The following TMEM132D variants were observed in gnomAD, a reference collection of about 807,000 sequenced individuals.
The protein encoded by TMEM132D is transmembrane protein 132D.
Under a neutral mutation model 62.3 loss-of-function variants are expected in TMEM132D, and 21 were observed. The ratio of observed to expected loss-of-function variants is 0.34; its 90% CI spans 0.24 to 0.49. The LOEUF is 0.49. TMEM132D is among the 20% of genes least tolerant of loss of function. The pLI is 0.99. For synonymous variants in TMEM132D, 621 were observed against 575.6 expected, an observed-to-expected ratio of 1.08 and a Z score of -1.13; for missense variants, 1,346 against 1,402.8, an observed-to-expected ratio of 0.96 and a Z score of 0.65.
At chr12:129,621,452 G>A (rs868286679) in intron 2 of TMEM132D, among the ~76,000 whole-genome samples, 64 of 152,178 alleles carry the variant, frequency 4.2e-4, no homozygotes, top group African/African-American at 1.4e-3. Context: ...CCACTAGAAC[G>A]TACACTTGAG....
intron 1 of TMEM132D, among the ~76,000 whole-genome samples, chr12:129,786,306 C>T (rs909262575): frequency 3.3e-5 from 5 of 152,258 alleles, no homozygotes; most frequent in East Asian, 1.9e-4. Flanking sequence ...TAGGCTCCAA[C>T]GAGACCCTGT....
chr12:129,155,471 A>C (rs187432787), intron 5 of TMEM132D, among the ~76,000 whole-genome samples: 1 of 152,340 alleles, frequency 6.6e-6, no homozygotes, highest in Non-Finnish European at 1.5e-5. Context: ...ATTTTCAGAG[A>C]GTCATTATCA....
rs182193690 is a variant in TMEM132D at position 129,569,508 on chromosome 12, T to A, written c.969-38303A>T. Among the ~76,000 whole-genome samples the A allele has an allele frequency of 4.6e-5, 7 of 152,260 alleles. No individual in the cohort carries two copies. In the East Asian group the frequency reaches 1.4e-3, roughly 29 times the overall value. On this transcript the variant is annotated intron_variant, in intron 2 of 8. Transcript: ENST00000422113. Reference sequence around the variant, plus strand: ...ATCACATGCTAGACTCAGTATGAAGTACATGGTATAGAGAGGCAAAGGCAA... The same window carrying A: ...ATCACATGCTAGACTCAGTATGAAGAACATGGTATAGAGAGGCAAAGGCAA...
chr12:129,161,323 A>C lies in TMEM132D; in HGVS notation c.1443+48197T>G, dbSNP rs368969266. Among the ~76,000 whole-genome samples, 40 of 152,364 alleles carry C rather than the reference A, an allele frequency of 2.6e-4. No individual in the cohort carries two copies. In the East Asian group the frequency reaches 7.5e-3, roughly 29 times the overall value. On this transcript the variant is annotated intron_variant, in intron 5 of 8. Transcript: ENST00000422113. ...AATTCTGAAAACAAAATACCTGAGCAGAAGTATTTAACTGAACATCTCAGA... is the reference window on the plus strand; with the variant it reads ...AATTCTGAAAACAAAATACCTGAGCCGAAGTATTTAACTGAACATCTCAGA...
At chr12:129,518,374 T>C (rs1875743321) in intron 3 of TMEM132D, among the ~76,000 whole-genome samples, 1 of 152,124 alleles carries the variant, frequency 6.6e-6, no homozygotes, top group South Asian at 2.1e-4. Flanking sequence ...TACAGTACAG[T>C]GCCTAGCACA....
chr12:129,622,546 TCA>T (rs1879102040), intron 2 of TMEM132D, among the ~76,000 whole-genome samples: 3 of 152,126 alleles, frequency 2.0e-5, no homozygotes, highest in Non-Finnish European at 2.9e-5. Flanking sequence ...AAAGTCCAGG[TCA>T]CCACTCACCT....
intron 4 of TMEM132D, among the ~76,000 whole-genome samples, chr12:129,224,427 A>G (rs1304178596): frequency 6.6e-6 from 1 of 152,218 alleles, no homozygotes; most frequent in Non-Finnish European, 1.5e-5. Context: ...CAAAATGCAG[A>G]AACGAATGCA....
rs375992244 is a variant in TMEM132D, at chr12:129,074,319, G to C, written c.2856C>G (p.Phe952Leu). Residue 952 changes from phenylalanine (F) to leucine (L), a missense_variant, in exon 9 of 9, where the codon TTC becomes TTG. Physicochemically the swap from Phe to Leu is conservative, Grantham distance 22 (BLOSUM62 0). Transcript: ENST00000422113. Reference sequence around the variant, plus strand: ...AGTGACTCATCCCTTCCTGCTCCTCGAAGGGAACCTGTTTGTGTCTGTATT... The same window carrying C: ...AGTGACTCATCCCTTCCTGCTCCTCCAAGGGAACCTGTTTGTGTCTGTATT... ...ALKYRHKQVP[F>L]EEQEGMSHSH... The C allele has an allele frequency of 1.9e-6, 3 of 1,614,050 alleles. No homozygotes were observed. Among genetic ancestry groups the C allele is most frequent in the Non-Finnish European group, 2.5e-6 (3 of 1,180,026 alleles).
intron 8 of TMEM132D, 34 bp downstream of exon 8, chr12:129,078,500 C>T (rs1045815489): frequency 6.9e-6 from 11 of 1,590,798 alleles, no homozygotes; most frequent in South Asian, 1.1e-5. Flanking sequence ...GGTGAGGGAC[C>T]CTGCTGAAGT....
intron 3 of TMEM132D, among the ~76,000 whole-genome samples, chr12:129,356,911 T>TAAGGA (rs1368731140): frequency 1.3e-5 from 1 of 76,396 alleles, no homozygotes; most frequent in Non-Finnish European, 2.1e-5. Context: ...AAAGGAAAGG[T>TAAGGA]AAGGAAAGGA....
intron 1 of TMEM132D, among the ~76,000 whole-genome samples, chr12:129,849,750 G>A (rs1251350305): frequency 6.6e-6 from 1 of 152,160 alleles, no homozygotes; most frequent in Non-Finnish European, 1.5e-5. Flanking sequence ...TCTCTCCTCT[G>A]AATCTTACAA....
chr12:129,246,620 G>A (rs1168505810), intron 4 of TMEM132D, among the ~76,000 whole-genome samples: 2 of 152,118 alleles, frequency 1.3e-5, no homozygotes, highest in African/African-American at 2.4e-5. Flanking sequence ...GCCGGATGTG[G>A]TGGTGCATGC....
At chr12:129,661,100 G>T (rs897356198) in intron 2 of TMEM132D, among the ~76,000 whole-genome samples, 11 of 152,256 alleles carry the variant, frequency 7.2e-5, no homozygotes, top group African/African-American at 2.4e-4. Context: ...ACTTCTAGGA[G>T]ATTCGGTCTG....
chr12:129,209,900 G>A (rs148715453), intron 4 of TMEM132D: 9 of 532,972 alleles, frequency 1.7e-5, no homozygotes, highest in Non-Finnish European at 3.0e-5. Context: ...GGACAGAAAA[G>A]GTGGCGGAGG....
At chr12:129,221,844 G>T (rs749725658) in intron 4 of TMEM132D, among the ~76,000 whole-genome samples, 1 of 152,150 alleles carries the variant, frequency 6.6e-6, no homozygotes, top group Non-Finnish European at 1.5e-5. Context: ...CTGCGACAAT[G>T]ATGGGCTGTG....
intron 3 of TMEM132D, among the ~76,000 whole-genome samples, chr12:129,363,829 A>G (rs1160478121): frequency 2.6e-5 from 4 of 152,270 alleles, no homozygotes; most frequent in Non-Finnish European, 4.4e-5. Context: ...ATAATTAAAG[A>G]TAAACTTTAA....
intron 3 of TMEM132D, among the ~76,000 whole-genome samples, chr12:129,431,220 C>T (rs973505647): frequency 1.3e-5 from 2 of 152,318 alleles, no homozygotes; most frequent in South Asian, 4.1e-4. Flanking sequence ...GATAAGGACG[C>T]GGAGCTTCAG....
chr12:129,280,599 G>A (rs1881115406), intron 4 of TMEM132D, among the ~76,000 whole-genome samples: 1 of 152,096 alleles, frequency 6.6e-6, no homozygotes, highest in Non-Finnish European at 1.5e-5. Flanking sequence ...TATATTATTA[G>A]CTCTTATGGG....
At chr12:129,521,597 A>G (rs1394314042) in intron 3 of TMEM132D, 3 of 152,226 alleles carry the variant, frequency 2.0e-5, no homozygotes, top group African/African-American at 7.2e-5. Flanking sequence ...CTGAAAATCT[A>G]TCAATTTAAA....
Sources: allele counts gnomAD v4.1 joint callset (sites outside exome capture counted in the v4.1 genomes callset), GRCh38; gene constraint gnomAD v4.1.1; transcripts MANE v1.5; gene names NCBI Gene and HGNC (gene_info 2026-07-23, HGNC 2026-07-21).